TCERG1L: variants seen among roughly 807,000 people sequenced by gnomAD.
TCERG1L encodes transcription elongation regulator 1-like protein.
Under a neutral mutation model 56.3 loss-of-function variants are expected in TCERG1L, and 37 were observed. The observed-to-expected ratio is 0.66, with a 90% CI of 0.51 to 0.87. The LOEUF (loss-of-function observed/expected upper bound fraction) is 0.87, where lower values mean the gene tolerates loss of function less well. TCERG1L is among the 40% of genes least tolerant of loss of function. The pLI is 0.00. For synonymous variants in TCERG1L, 324 were observed against 326.3 expected (o/e 0.99, Z 0.08); for missense variants, 799 against 774.2 (o/e 1.03, Z -0.38).
At chr10:131,141,341 C>G (rs1398192941) in intron 7 of TCERG1L, among the ~76,000 whole-genome samples, 2 of 152,208 alleles carry the variant, frequency 1.3e-5, no homozygotes, top group East Asian at 3.9e-4. Context: ...CAAAACACAC[C>G]CTTTACCTCC....
At chr10:131,128,594 A>G (rs779866685) in intron 8 of TCERG1L, among the ~76,000 whole-genome samples, 20 of 152,210 alleles carry the variant, frequency 1.3e-4, no homozygotes, top group Non-Finnish European at 2.5e-4. Flanking sequence ...CCGATGCAGT[A>G]TTTTGGAAAT....
intron 8 of TCERG1L, among the ~76,000 whole-genome samples, chr10:131,127,653 G>C (rs994702729): frequency 6.6e-6 from 1 of 152,148 alleles, no homozygotes; most frequent in Non-Finnish European, 1.5e-5. Flanking sequence ...CAGAGCGAAG[G>C]GACAGGTCCC....
At chr10:131,252,032 G>A (rs1380857554) in intron 4 of TCERG1L, among the ~76,000 whole-genome samples, 1 of 152,206 alleles carries the variant, frequency 6.6e-6, no homozygotes, top group Non-Finnish European at 1.5e-5. Flanking sequence ...CTATAGGCTT[G>A]TTTCACTGAC....
chr10:131,259,353 A>C, intron 4 of TCERG1L, among the ~76,000 whole-genome samples: 1 of 152,196 alleles, frequency 6.6e-6, no homozygotes, highest in Middle Eastern at 3.2e-3. Flanking sequence ...ACAATCTTCC[A>C]TGGAATTTCT....
intron 3 of TCERG1L, among the ~76,000 whole-genome samples, chr10:131,272,717 G>A (rs1367504142): frequency 6.6e-6 from 1 of 152,210 alleles, no homozygotes; most frequent in Admixed American, 6.5e-5. Flanking sequence ...GCGTGGATGG[G>A]GGTAGAGCCC....
intron 4 of TCERG1L, among the ~76,000 whole-genome samples, chr10:131,245,035 A>G (rs1260378122): frequency 6.6e-6 from 1 of 152,214 alleles, no homozygotes; most frequent in East Asian, 1.9e-4. Context: ...GGAGCCCCTC[A>G]GCTGCTGGAA....
At chr10:131,303,491 G>T (rs984115603) in intron 3 of TCERG1L, among the ~76,000 whole-genome samples, 5 of 152,064 alleles carry the variant, frequency 3.3e-5, no homozygotes, top group Admixed American at 3.3e-4. Flanking sequence ...ATTTCTTGCA[G>T]ATTTGTTTAA....
intron 4 of TCERG1L, among the ~76,000 whole-genome samples, chr10:131,198,781 TG>T (rs60839008): frequency 1 from 152,311 of 152,312 alleles, 76,155 homozygotes; most frequent in Non-Finnish European, 1. Flanking sequence ...ACACCACCCC[TG>T]GCAGATGGGG....
intron 11 of TCERG1L, among the ~76,000 whole-genome samples, chr10:131,094,145 GC>G (rs1289118541): frequency 6.6e-6 from 1 of 152,208 alleles, no homozygotes; most frequent in Non-Finnish European, 1.5e-5. Context: ...CAGGCACCGG[GC>G]CCCGCAACTT....
chr10:131,217,888 AT>A (rs957984025), intron 4 of TCERG1L, among the ~76,000 whole-genome samples: 27 of 150,934 alleles, frequency 1.8e-4, no homozygotes, highest in African/African-American at 6.6e-4. Flanking sequence ...CGCCCGGCTA[AT>A]TTTTTTTTGT....
At chr10:131,128,990 T>C (rs1255735123) in intron 8 of TCERG1L, among the ~76,000 whole-genome samples, 1 of 152,202 alleles carries the variant, frequency 6.6e-6, no homozygotes, top group African/African-American at 2.4e-5. Flanking sequence ...GCATGATCTA[T>C]GTCCAAACCA....
At chr10:131,230,447 T>C (rs1166775789) in intron 4 of TCERG1L, among the ~76,000 whole-genome samples, 1 of 152,176 alleles carries the variant, frequency 6.6e-6, no homozygotes, top group Non-Finnish European at 1.5e-5. Context: ...GCTGAAGCAG[T>C]GGATCCTGGC....
chr10:131,137,470 C>T (rs1415829249), intron 7 of TCERG1L, among the ~76,000 whole-genome samples: 1 of 152,208 alleles, frequency 6.6e-6, no homozygotes, highest in Admixed American at 6.5e-5. Context: ...TTCTGCACCT[C>T]GTGGCGTTTG....
At chr10:131,204,473 C>T (rs910591990) in intron 4 of TCERG1L, among the ~76,000 whole-genome samples, 9 of 151,976 alleles carry the variant, frequency 5.9e-5, no homozygotes, top group Admixed American at 5.2e-4. Flanking sequence ...TGAGTCCATC[C>T]ACCCCAAATG....
At chr10:131,271,130 T>G (rs1465421630) in intron 3 of TCERG1L, among the ~76,000 whole-genome samples, 35 of 152,100 alleles carry the variant, frequency 2.3e-4, no homozygotes, top group Admixed American at 2.3e-3. Context: ...GACCAGCTGT[T>G]GAGATGCTTC....
intron 4 of TCERG1L, among the ~76,000 whole-genome samples, chr10:131,235,673 T>C (rs1480998777): frequency 6.6e-6 from 1 of 152,160 alleles, no homozygotes. Flanking sequence ...AAAATCAACA[T>C]GTAGAACAAC....
intron 3 of TCERG1L, among the ~76,000 whole-genome samples, chr10:131,289,449 T>C (rs1221552826): frequency 6.6e-6 from 1 of 151,920 alleles, no homozygotes; most frequent in African/African-American, 2.4e-5. Context: ...TGTGGTACAC[T>C]GCCTCCATCT....
intron 4 of TCERG1L, among the ~76,000 whole-genome samples, chr10:131,181,797 A>C (rs1845179293): frequency 6.6e-6 from 1 of 152,232 alleles, no homozygotes. Flanking sequence ...TTGTTCATCC[A>C]GCGGGGCATT....
chr10:131,097,643 G>A (rs1314255901), intron 11 of TCERG1L, among the ~76,000 whole-genome samples: 2 of 152,140 alleles, frequency 1.3e-5, no homozygotes, highest in African/African-American at 2.4e-5. Flanking sequence ...CACCGCGCCC[G>A]GCCCATGTTC....
Sources: allele counts gnomAD v4.1 joint callset (sites outside exome capture counted in the v4.1 genomes callset), GRCh38; gene constraint gnomAD v4.1.1; transcripts MANE v1.5; gene names NCBI Gene and HGNC (gene_info 2026-07-23, HGNC 2026-07-21).